DNAH9: variants seen among roughly 807,000 people sequenced by gnomAD.
DNAH9 encodes dynein axonemal heavy chain 9.
DNAH9 carries 345 observed loss-of-function variants against 471.6 expected under a neutral mutation model. That is an observed-to-expected ratio of 0.73 (90% CI 0.67 to 0.80). The LOEUF (loss-of-function observed/expected upper bound fraction) is 0.80, where lower values mean the gene tolerates loss of function less well. Ranked by LOEUF, DNAH9 falls within the 30% of genes least tolerant of loss-of-function variation. The pLI is 0.00. For synonymous variants in DNAH9, 2,093 were observed against 2,123.6 expected, an observed-to-expected ratio of 0.99 and a Z score of 0.40; for missense variants, 5,407 against 5,609.2, an observed-to-expected ratio of 0.96 and a Z score of 1.15.
At chr17:11,660,254 T>G (rs2073733099) in intron 14 of DNAH9, among the ~76,000 whole-genome samples, 1 of 151,902 alleles carries the variant, frequency 6.6e-6, no homozygotes, top group Non-Finnish European at 1.5e-5. Flanking sequence ...CTTTTAGTAG[T>G]GCTTTAGTTT....
At chr17:11,778,189 C>T (rs1312602239) in intron 38 of DNAH9, among the ~76,000 whole-genome samples, 3 of 151,524 alleles carry the variant, frequency 2.0e-5, no homozygotes, top group South Asian at 2.1e-4. Context: ...CATGGGTCAG[C>T]GAGTGACTCA....
chr17:11,840,433 AGTT>A (rs1233485177), intron 49 of DNAH9, among the ~76,000 whole-genome samples: 1 of 152,114 alleles, frequency 6.6e-6, no homozygotes, highest in Non-Finnish European at 1.5e-5. Context: ...TTGAGCATTT[AGTT>A]TACTTTTTTC....
In DNAH9 at chr17:11,670,671, A is replaced by G. The variant is rs60730457; in HGVS notation, c.3353+877A>G. On this transcript the variant is annotated intron_variant, in intron 17 of 68. Coordinates refer to ENST00000262442, the MANE Select transcript of DNAH9 (RefSeq NM_001372.4). ...AGAGATTTTCCAAGGGTAATGTTCA[A>G]CCACCCTAGGAAACCCCAAGAACGC... Among the ~76,000 whole-genome samples the G allele has an allele frequency of 9.5e-3, 1,438 of 152,008 alleles. 29 individuals are homozygous for G. The highest frequency in any genetic ancestry group is 0.033 in the African/African-American group (1,349 of 41,436).
rs774162635 is a variant in DNAH9 at position 11,821,978 on chromosome 17, G to A, written c.8766G>A (p.Arg2922=). ...DEVENIISNV[R]NEVKSQGLVD... is the part of the protein sequence containing the mutation. ...TTGAAAACATCATAAGCAATGTGAG[G>A]AATGAAGTCAAGAGCCAGGGTCTGG... is the stretch of plus-strand genomic sequence containing the variant. Residue 2922 remains arginine (R), a synonymous_variant, in exon 46 of 69, where the codon AGG becomes AGA. Transcript: ENST00000262442. 11 of 1,614,190 alleles carry A rather than the reference G, an allele frequency of 6.8e-6. No homozygotes were observed. The highest frequency in any genetic ancestry group is 9.3e-6 in the Non-Finnish European group (11 of 1,180,030).
rs1974766901 is a variant in DNAH9, at chr17:11,937,900, G to A, written c.12660+378G>A. Among the ~76,000 whole-genome samples the A allele has an allele frequency of 6.6e-6, 1 of 152,180 alleles. No homozygotes were observed. The highest frequency in any genetic ancestry group is 6.5e-5 in the Admixed American group (1 of 15,274). On this transcript the variant is annotated intron_variant, in intron 66 of 68. Coordinates refer to ENST00000262442, the MANE Select transcript of DNAH9 (RefSeq NM_001372.4). This position sits in a 1 kb window ranked among gnomAD's most constrained non-coding sequence, Gnocchi z 4.1. ...CAAACCAAGCAAGGATGGGTAAGGGGTTGCCCCTGAGCACCCCCACCTCAG... is the reference window on the plus strand; with the variant it reads ...CAAACCAAGCAAGGATGGGTAAGGGATTGCCCCTGAGCACCCCCACCTCAG...
intron 1 of DNAH9, among the ~76,000 whole-genome samples, chr17:11,605,882 CTA>C (rs1366838014): frequency 1.3e-5 from 2 of 152,122 alleles, no homozygotes; most frequent in African/African-American, 4.8e-5. Context: ...CCACTCAAAA[CTA>C]TTCCTTTTTC....
intron 35 of DNAH9, among the ~76,000 whole-genome samples, chr17:11,759,517 C>CTTTTTTTTTTTT (rs1157505657): frequency 2.0e-4 from 17 of 83,968 alleles, no homozygotes; most frequent in Admixed American, 6.9e-4. Context: ...ATACACACCA[C>CTTTTTTTTTTTT]TTTTTTTTTT....
At position 11,742,315 on chromosome 17, in the gene DNAH9, T is replaced by C. The variant is rs942368114; in HGVS notation, c.6111+2T>C. On this transcript the variant is annotated splice_donor_variant, in intron 30 of 68. Coordinates refer to ENST00000262442, the MANE Select transcript of DNAH9 (RefSeq NM_001372.4). LOFTEE classifies it high-confidence loss of function. ...TGCAAAGAGCTTCTCTCCAAACAGG[T>C]AGGATCTCTAGGGAGGCTGTACAAC... The C allele has an allele frequency of 6.2e-7, 1 of 1,614,080 alleles. No homozygotes were observed. The highest frequency in any genetic ancestry group is 8.5e-7 in the Non-Finnish European group (1 of 1,179,960).
At chr17:11,884,363 C>T (rs1251972355) in intron 56 of DNAH9, 10 of 281,872 alleles carry the variant, frequency 3.5e-5, no homozygotes, top group Non-Finnish European at 6.5e-5. Flanking sequence ...GAAAGGGGCC[C>T]AACCCCTGCT....
Position 11,652,815 on chromosome 17 carries a change from G to T in DNAH9, c.2408G>T (p.Arg803Ile), listed in dbSNP as rs753142472. ...ITSSIHDLEQ[R>I]IQKTKDNVEE... is the part of the protein sequence containing the mutation. ...AGTAGTATTCATGATCTTGAACAAA[G>T]AATTCAGAAAACTAAAGACAATGTG... Residue 803 changes from arginine (R) to isoleucine (I), a missense_variant, in exon 14 of 69, where the codon AGA becomes ATA. Physicochemically the swap from Arg to Ile is moderately conservative, Grantham distance 97. Coordinates refer to ENST00000262442, the MANE Select transcript of DNAH9 (RefSeq NM_001372.4). 32 of 1,613,408 alleles carry T rather than the reference G, an allele frequency of 2.0e-5. 1 individual carries two copies. The South Asian group carries it at 2.9e-4, about 14-fold the overall frequency.
At chr17:11,930,969 T>C (rs1430284024) in intron 63 of DNAH9, among the ~76,000 whole-genome samples, 1 of 152,150 alleles carries the variant, frequency 6.6e-6, no homozygotes, top group Admixed American at 6.5e-5. Context: ...AGGCTTATGT[T>C]GTAGCGTATT....
intron 50 of DNAH9, among the ~76,000 whole-genome samples, chr17:11,866,354 TG>T (rs1183851656): frequency 2.0e-5 from 3 of 152,186 alleles, no homozygotes; most frequent in Admixed American, 6.5e-5. Flanking sequence ...CCGCGAATGC[TG>T]CTGTCTGATT....
intron 8 of DNAH9, 81 bp downstream of exon 8, chr17:11,632,784 A>C (rs1263116976): frequency 1.3e-5 from 9 of 677,828 alleles, no homozygotes; most frequent in Non-Finnish European, 2.2e-5. Flanking sequence ...ATACCTTTCC[A>C]CCTGTTCTGT....
intron 48 of DNAH9, among the ~76,000 whole-genome samples, chr17:11,826,529 C>T (rs1173224665): frequency 1.5e-5 from 2 of 134,100 alleles, no homozygotes; most frequent in Non-Finnish European, 3.1e-5. Context: ...GGCGCGATCT[C>T]GGCTCACTGC....
chr17:11,877,473 T>TAA (rs550300868), intron 53 of DNAH9, among the ~76,000 whole-genome samples: 1,961 of 68,540 alleles, frequency 0.029, 87 homozygotes, highest in Non-Finnish European at 0.034. Flanking sequence ...AAACTCTGTC[T>TAA]AAAAAAAAAA....
intron 67 of DNAH9, among the ~76,000 whole-genome samples, chr17:11,956,597 G>A (rs923736634): frequency 1.3e-5 from 2 of 151,888 alleles, no homozygotes; most frequent in African/African-American, 4.8e-5. Flanking sequence ...AATATGAGAG[G>A]ATTAAAATCA....
rs561526949 is a variant in DNAH9, at chr17:11,619,667, G to A, written c.1236G>A (p.Arg412=). The change falls in exon 6 of 69, where the codon AGG becomes AGA. Residue 412 remains arginine (R), a synonymous_variant. Coordinates refer to ENST00000262442, the MANE Select transcript of DNAH9 (RefSeq NM_001372.4). ...TCAAGCAAGAGTTTCAGGACAGAAGGGAGAATCTCCACACTTACTTCAAAG... is the reference window on the plus strand; with the variant it reads ...TCAAGCAAGAGTTTCAGGACAGAAGAGAGAATCTCCACACTTACTTCAAAG... ...SFFKQEFQDR[R]ENLHTYFKEN... 1.2e-6 allele frequency: 2 copies of A among 1,613,840 alleles called. No homozygotes were observed. The highest frequency in any genetic ancestry group is 2.2e-5 in the East Asian group (1 of 44,888).
chr17:11,607,217 AG>A (rs2072527145), intron 1 of DNAH9, among the ~76,000 whole-genome samples: 1 of 152,072 alleles, frequency 6.6e-6, no homozygotes, highest in African/African-American at 2.4e-5. Flanking sequence ...CCCGTTGATG[AG>A]GGAGGGATTC....
At chr17:11,646,921 AAG>A (rs2073404174) in intron 11 of DNAH9, 149 bp from the exon 12 acceptor site, 1 of 637,898 alleles carries the variant, frequency 1.6e-6, no homozygotes. Flanking sequence ...CTCAAAAAGA[AAG>A]AAAGAAATTT....
Sources: allele counts gnomAD v4.1 joint callset (sites outside exome capture counted in the v4.1 genomes callset), GRCh38; gene constraint gnomAD v4.1.1; non-coding constraint Gnocchi (gnomAD v3.1); transcripts MANE v1.5; gene names NCBI Gene and HGNC (gene_info 2026-07-23, HGNC 2026-07-21).